The following LMBRD1 variants were observed in gnomAD, a reference collection of about 807,000 sequenced individuals.
The protein encoded by LMBRD1 is lysosomal cobalamin transport escort protein LMBD1.
A neutral mutation model predicts 74.8 loss-of-function variants in LMBRD1; 64 were observed. The ratio of observed to expected loss-of-function variants is 0.86; its 90% CI spans 0.70 to 1.05. The LOEUF is 1.05. Among genes scored for constraint, LMBRD1 ranks in the 50% least tolerant of loss-of-function variants. LMBRD1 has a pLI of 0.00. For synonymous variants in LMBRD1, 204 were observed against 216.3 expected (o/e 0.94, Z 0.50); for missense variants, 652 against 645.9 (o/e 1.01, Z -0.10).
At chr6:69,779,596 T>C (rs554406858) in intron 3 of LMBRD1, among the ~76,000 whole-genome samples, 2 of 151,826 alleles carry the variant, frequency 1.3e-5, no homozygotes, top group Non-Finnish European at 2.9e-5. Context: ...TTTTAGAAAA[T>C]TGAAATTTAA....
At chr6:69,732,473 ATGTT>A (rs1355006175) in intron 7 of LMBRD1, among the ~76,000 whole-genome samples, 1 of 152,104 alleles carries the variant, frequency 6.6e-6, no homozygotes, top group African/African-American at 2.4e-5. Context: ...TGAGAAATAA[ATGTT>A]TGTTGTTTGA....
chr6:69,691,875 C>CAAAA (rs34100007), intron 14 of LMBRD1, among the ~76,000 whole-genome samples: 65 of 63,434 alleles, frequency 1.0e-3, no homozygotes, highest in South Asian at 1.3e-3. Context: ...GACTCCGTCT[C>CAAAA]AAAAAAAAAA....
intron 1 of LMBRD1, among the ~76,000 whole-genome samples, chr6:69,793,718 C>CTT (rs34341228): frequency 0.014 from 1,316 of 95,800 alleles, 2 homozygotes; most frequent in Non-Finnish European, 0.017. Context: ...TGTCCTGAAT[C>CTT]TTTTTTTTTT....
chr6:69,713,553 G>A (rs1356245719), intron 9 of LMBRD1, 92 bp downstream of exon 9: 9 of 1,299,950 alleles, frequency 6.9e-6, no homozygotes, highest in Non-Finnish European at 8.8e-6. Context: ...GTACCATGCT[G>A]TAATGCCTCA....
At chr6:69,710,924 C>T (rs964239446) in intron 9 of LMBRD1, among the ~76,000 whole-genome samples, 3 of 152,052 alleles carry the variant, frequency 2.0e-5, no homozygotes, top group East Asian at 1.9e-4. Flanking sequence ...ACATATTAAA[C>T]GTTAGATCCA....
chr6:69,679,450 T>C (rs1582037851), intron 14 of LMBRD1, among the ~76,000 whole-genome samples: 1 of 152,086 alleles, frequency 6.6e-6, no homozygotes, highest in South Asian at 2.1e-4. Context: ...AATTTGTCAT[T>C]TTTTTTCCAG....
At chr6:69,749,896 AT>A (rs1463051254) in intron 4 of LMBRD1, among the ~76,000 whole-genome samples, 1,486 of 127,460 alleles carry the variant, frequency 0.012, 36 homozygotes, top group African/African-American at 0.045. Flanking sequence ...ATACATACTC[AT>A]ATATACATAT....
At chr6:69,706,406 A>G (rs1477564466) in intron 9 of LMBRD1, among the ~76,000 whole-genome samples, 1 of 152,166 alleles carries the variant, frequency 6.6e-6, no homozygotes, top group Non-Finnish European at 1.5e-5. Context: ...ATGTTAATCT[A>G]TTGATTTTGT....
intron 9 of LMBRD1, chr6:69,706,270 T>C (rs1766256339): frequency 4.2e-6 from 1 of 239,836 alleles, no homozygotes; most frequent in East Asian, 8.8e-5. Flanking sequence ...GATCTCTATT[T>C]TAAAGGTATC....
At chr6:69,756,187 C>T (rs536249661) in intron 3 of LMBRD1, among the ~76,000 whole-genome samples, 45 of 152,080 alleles carry the variant, frequency 3.0e-4, no homozygotes, top group African/African-American at 9.6e-4. Context: ...ATAATGAGAT[C>T]CCGTCTCTAC....
intron 3 of LMBRD1, among the ~76,000 whole-genome samples, chr6:69,755,330 A>G (rs1369386567): frequency 6.6e-6 from 1 of 152,176 alleles, no homozygotes; most frequent in Non-Finnish European, 1.5e-5. Flanking sequence ...TAACACAGGA[A>G]ACAGAAAACC....
intron 3 of LMBRD1, among the ~76,000 whole-genome samples, chr6:69,772,283 G>A (rs1048849303): frequency 3.9e-5 from 6 of 152,130 alleles, no homozygotes; most frequent in African/African-American, 7.2e-5. Flanking sequence ...GGATTAACCC[G>A]TGGGACATAC....
intron 14 of LMBRD1, among the ~76,000 whole-genome samples, chr6:69,681,723 A>G (rs1422209931): frequency 6.6e-6 from 1 of 151,980 alleles, no homozygotes; most frequent in Non-Finnish European, 1.5e-5. Context: ...TTAGAAGCCT[A>G]GACTATTTAG....
chr6:69,676,268 A>C lies in LMBRD1; in HGVS notation c.1513T>G (p.Phe505Val). The C allele has an allele frequency of 6.2e-7, 1 of 1,612,624 alleles. No homozygotes were observed. The highest frequency in any genetic ancestry group is 1.1e-5 in the South Asian group (1 of 91,020). The change falls in exon 16 of 16, where the codon TTT becomes GTT. Residue 505 changes from phenylalanine to valine, a missense_variant. This residue lies in a region of LMBRD1 where 51 missense variants were observed against 46.9 expected (regional missense o/e 1.09). Coordinates refer to ENST00000649934, the MANE Select transcript of LMBRD1 (RefSeq NM_018368.4). ...CAGGATACAATTAATCCAATCAAAA[A>C]TACCTGTAAATTTAAATAAGCCATG... is the stretch of plus-strand genomic sequence containing the variant. ...YFGNWAFLGV[F>V]LIGLIVSCCK...
intron 3 of LMBRD1, among the ~76,000 whole-genome samples, chr6:69,757,921 A>C (rs892626235): frequency 6.6e-6 from 1 of 152,190 alleles, no homozygotes. Flanking sequence ...AAAATTTTTA[A>C]GCCTCATGTC....
intron 14 of LMBRD1, among the ~76,000 whole-genome samples, chr6:69,692,112 G>C (rs561055355): frequency 6.6e-6 from 1 of 151,900 alleles, no homozygotes; most frequent in East Asian, 1.9e-4. Context: ...GCCTGCTTTA[G>C]CTTTTAATTT....
At chr6:69,747,152 T>G (rs749015332) in intron 5 of LMBRD1, among the ~76,000 whole-genome samples, 1 of 152,120 alleles carries the variant, frequency 6.6e-6, no homozygotes, top group Non-Finnish European at 1.5e-5. Context: ...GGAATTAGTG[T>G]TAAATGAAGT....
At position 69,700,805 on chromosome 6, in the gene LMBRD1, G is replaced by T; in HGVS notation, c.1148C>A (p.Ala383Glu). 1 of 1,513,926 alleles carries T rather than the reference G, an allele frequency of 6.6e-7. No homozygotes were observed. The allele number at this position is 1,513,926 out of a possible 1,614,324, so 93.8% of individuals were successfully genotyped here. The change falls in exon 12 of 16, where the codon GCA becomes GAA. Residue 383 changes from alanine (A) to glutamate (E), a missense_variant. Ala to Glu is a moderately radical substitution (Grantham distance 107). Around this residue, in one of 3 missense-constraint regions of LMBRD1, gnomAD observed 598 missense variants for 581.8 expected, o/e 1.03. Coordinates refer to ENST00000649934, the MANE Select transcript of LMBRD1 (RefSeq NM_018368.4). ...CCATATGCCAATATTTCGAATTCCT[G>T]CCATTGAAGTAAAAATAAAGTACAT... ...IIMYFIFTSM[A>E]GIRNIGIWFF...
At chr6:69,722,936 A>G (rs1191174422) in intron 7 of LMBRD1, among the ~76,000 whole-genome samples, 2 of 152,194 alleles carry the variant, frequency 1.3e-5, no homozygotes, top group African/African-American at 4.8e-5. Context: ...TCTGTTGCCT[A>G]CAAGAAATAC....
Sources: allele counts gnomAD v4.1 joint callset (sites outside exome capture counted in the v4.1 genomes callset), GRCh38; gene constraint gnomAD v4.1.1; regional missense constraint gnomAD v4.1.1; transcripts MANE v1.5; gene names NCBI Gene and HGNC (gene_info 2026-07-23, HGNC 2026-07-21).